CREM: variants seen among roughly 807,000 people sequenced by gnomAD.
CREM encodes the protein cAMP responsive element modulator, also known as cAMP-responsive element modulator.
A neutral mutation model predicts 37.3 loss-of-function variants in CREM; 13 were observed. That is an observed-to-expected ratio of 0.35 (90% CI 0.23 to 0.55). CREM has a LOEUF of 0.55. CREM is among the 20% of genes least tolerant of loss of function. The probability of loss-of-function intolerance (pLI) is 0.88; values close to 1 mark genes in which losing one functional copy is unlikely to be tolerated. For missense variants in CREM, 296 were observed against 362.3 expected, an observed-to-expected ratio of 0.82 and a Z score of 1.49; for synonymous variants, 124 against 120.2, an observed-to-expected ratio of 1.03 and a Z score of -0.21.
intron 5 of CREM, among the ~76,000 whole-genome samples, chr10:35,187,660 TTTTTC>T (rs1191816181): frequency 1.3e-5 from 2 of 152,084 alleles, no homozygotes; most frequent in Non-Finnish European, 2.9e-5. Context: ...TAAATGGGAA[TTTTTC>T]TTTTCTTTTC....
At chr10:35,193,043 C>T (rs1006416864) in intron 6 of CREM, among the ~76,000 whole-genome samples, 5 of 152,292 alleles carry the variant, frequency 3.3e-5, no homozygotes, top group East Asian at 1.9e-4. Flanking sequence ...ATACGTTCCC[C>T]GAGGAAGCCT....
chr10:35,165,225 G>A (rs2093490940), intron 3 of CREM, among the ~76,000 whole-genome samples: 1 of 152,062 alleles, frequency 6.6e-6, no homozygotes, highest in African/African-American at 2.4e-5. Flanking sequence ...ATGGCAGCAG[G>A]AGAAGGGGGA....
At chr10:35,155,347 G>A (rs1430415075) in intron 3 of CREM, among the ~76,000 whole-genome samples, 2 of 152,094 alleles carry the variant, frequency 1.3e-5, no homozygotes, top group Admixed American at 6.5e-5. Flanking sequence ...TAGTAAAAGA[G>A]TAAGCTGAGA....
At chr10:35,194,179 A>AT (rs2095050951) in intron 6 of CREM, among the ~76,000 whole-genome samples, 1 of 149,830 alleles carries the variant, frequency 6.7e-6, no homozygotes, top group Non-Finnish European at 1.5e-5. Context: ...AATGCCAATA[A>AT]TTTTTTTCCA....
chr10:35,163,600 C>T (rs2093398180), intron 3 of CREM, among the ~76,000 whole-genome samples: 1 of 151,952 alleles, frequency 6.6e-6, no homozygotes, highest in South Asian at 2.1e-4. Context: ...GTCAGATCAC[C>T]TGAGGTCAGG....
At chr10:35,193,172 C>A (rs1267236027) in intron 6 of CREM, among the ~76,000 whole-genome samples, 1 of 152,100 alleles carries the variant, frequency 6.6e-6, no homozygotes, top group Non-Finnish European at 1.5e-5. Context: ...TCTATTTGGA[C>A]AAATACCTAG....
At position 35,177,375 on chromosome 10, in the gene CREM, CTTCT is replaced by C. The variant is rs1319166456; in HGVS notation, c.169-1511_169-1508del. On this transcript the variant is annotated intron_variant, in intron 3 of 7. Coordinates refer to ENST00000685392, the MANE Select transcript of CREM (RefSeq NM_183011.2). Reference sequence around the variant, plus strand: ...TAAAACAAGAAAGTCTTTCCAACCTCTTCTTTGTTTTATGACTTTTATTGAGGTC... The same window carrying C: ...TAAAACAAGAAAGTCTTTCCAACCTCTTGTTTTATGACTTTTATTGAGGTC... 2.6e-5 allele frequency among the ~76,000 whole-genome samples: 4 copies of C among 152,176 alleles called. No individual in the cohort carries two copies. The East Asian group carries it at 5.8e-4, about 22-fold the overall frequency.
chr10:35,163,735 C>T (rs951314162), intron 3 of CREM, among the ~76,000 whole-genome samples: 6 of 151,940 alleles, frequency 3.9e-5, no homozygotes, highest in African/African-American at 7.3e-5. Context: ...GCGGGAGATT[C>T]GCTTGAACCC....
chr10:35,177,391 C>A (rs1328053714), intron 3 of CREM, among the ~76,000 whole-genome samples: 3 of 152,078 alleles, frequency 2.0e-5, no homozygotes, highest in Non-Finnish European at 4.4e-5. Context: ...TGTTTTATGA[C>A]TTTTATTGAG....
chr10:35,171,872 A>C (rs1317154367), intron 3 of CREM, among the ~76,000 whole-genome samples: 1 of 152,250 alleles, frequency 6.6e-6, no homozygotes, highest in Non-Finnish European at 1.5e-5. Flanking sequence ...TAATATCTTC[A>C]GAAATTTCCA....
Position 35,179,235 on chromosome 10 carries a change from C to A in CREM, c.368C>A (p.Ala123Glu), listed in dbSNP as rs2094242348. The A allele has an allele frequency of 1.2e-6, 2 of 1,613,678 alleles. No individual in the cohort carries two copies. Among genetic ancestry groups the A allele is most frequent in the African/African-American group, 1.3e-5 (1 of 74,916 alleles). The change falls in exon 5 of 8, where the codon GCA becomes GAA. Residue 123 changes from alanine (A) to glutamate (E), a missense_variant. Ala to Glu is a moderately radical substitution (Grantham distance 107). Coordinates refer to ENST00000685392, the MANE Select transcript of CREM (RefSeq NM_183011.2). The part of the protein sequence containing the change: ...EGTPPSIATM[A>E]VPTSIYQTST... ...ACACCACCTAGTATTGCTACCATGG[C>A]AGTACCAACTAGCATATATCAGACT...
In CREM at chr10:35,187,171, TAA is replaced by T. The variant is rs1564922876; in HGVS notation, c.410-1028_410-1027del. Among the ~76,000 whole-genome samples the T allele has an allele frequency of 9.5e-5, 4 of 42,032 alleles. No individual in the cohort carries two copies. The East Asian group carries it at 1.6e-3, about 17-fold the overall frequency. 27.6% of individuals were successfully genotyped at this position (42,032 alleles called of 152,430 possible). On this transcript the variant is annotated intron_variant, in intron 5 of 7. Transcript: ENST00000685392. ...AATATATATAATATATATTATATAT[TAA>T]TATTAATATATAAATATATTAATAT...
chr10:35,127,087 T>TTGCTGGGCGGCGGCGCCGC lies in CREM; in HGVS notation c.-155_-137dup, dbSNP rs1309916129. On this transcript the variant is annotated 5_prime_UTR_variant, in exon 1 of 8. Transcript: ENST00000685392. ...ACGTGGGGCCGCTGCCGGCTCCGGG[T>TTGCTGGGCGGCGGCGCCGC]TGCTGGGCGGCGGCGCCGCTGCTGA... 2.0e-5 allele frequency: 3 copies of TTGCTGGGCGGCGGCGCCGC among 152,548 alleles called. No homozygotes were observed. Among genetic ancestry groups the TTGCTGGGCGGCGGCGCCGC allele is most frequent in the Admixed American group, 6.5e-5 (1 of 15,278 alleles). The allele number at this position is 152,548 out of a possible 1,614,324, so 9.4% of individuals were successfully genotyped here. A position where few individuals can be genotyped will look rare whatever the true frequency, so the allele number is the denominator to read the frequency against.
intron 3 of CREM, among the ~76,000 whole-genome samples, chr10:35,150,997 A>C (rs543012937): frequency 6.6e-6 from 1 of 152,316 alleles, no homozygotes; most frequent in African/African-American, 2.4e-5. Context: ...ACTAGGTTTT[A>C]GTAGGTTATA....
At chr10:35,140,565 G>A (rs955966801) in intron 2 of CREM, among the ~76,000 whole-genome samples, 16 of 152,200 alleles carry the variant, frequency 1.1e-4, no homozygotes, top group Admixed American at 3.3e-4. Context: ...CACTGGGAAT[G>A]CATGGAAATC....
chr10:35,162,922 A>T (rs578262160), intron 3 of CREM, among the ~76,000 whole-genome samples: 1 of 152,304 alleles, frequency 6.6e-6, no homozygotes, highest in East Asian at 1.9e-4. Context: ...CAAAATAATA[A>T]TTAATGGGAG....
At chr10:35,175,813 A>C (rs1255370625) in intron 3 of CREM, 6 of 1,611,146 alleles carry the variant, frequency 3.7e-6, no homozygotes, top group Non-Finnish European at 5.1e-6. Context: ...AATAACAAAA[A>C]AGGTCCAGCT....
intron 2 of CREM, among the ~76,000 whole-genome samples, chr10:35,138,214 C>T (rs2090884217): frequency 6.6e-6 from 1 of 152,208 alleles, no homozygotes; most frequent in Admixed American, 6.5e-5. Flanking sequence ...GCCTTTCGGC[C>T]ATACTTGTAC....
At chr10:35,152,239 T>G (rs1423901506) in intron 3 of CREM, 2 of 152,226 alleles carry the variant, frequency 1.3e-5, no homozygotes, top group Non-Finnish European at 2.9e-5. Flanking sequence ...GCATCTAAGG[T>G]CATTTGATAC....
Sources: allele counts gnomAD v4.1 joint callset (sites outside exome capture counted in the v4.1 genomes callset), GRCh38; gene constraint gnomAD v4.1.1; transcripts MANE v1.5; gene names NCBI Gene and HGNC (gene_info 2026-07-23, HGNC 2026-07-21).